PXDNL: variants seen among roughly 807,000 people sequenced by gnomAD.
PXDNL encodes the protein peroxidasin like.
PXDNL carries 145 observed loss-of-function variants against 150.8 expected under a neutral mutation model. That is an observed-to-expected ratio of 0.96 (90% CI 0.84 to 1.10). The LOEUF (loss-of-function observed/expected upper bound fraction) is 1.10, where lower values mean the gene tolerates loss of function less well. Ranked by LOEUF, PXDNL falls within the 50% of genes least tolerant of loss-of-function variation. The probability of loss-of-function intolerance (pLI) is 0.00; values close to 1 mark genes in which losing one functional copy is unlikely to be tolerated. For missense variants in PXDNL, 2,087 were observed against 1,873.9 expected (o/e 1.11, Z -2.10); for synonymous variants, 757 against 725.7 (o/e 1.04, Z -0.69).
chr8:51,496,823 G>T (rs893068314), intron 5 of PXDNL, among the ~76,000 whole-genome samples: 4 of 152,150 alleles, frequency 2.6e-5, no homozygotes, highest in Non-Finnish European at 5.9e-5. Flanking sequence ...ATGCTCATGG[G>T]TAGGAAGAAT....
At chr8:51,486,663 G>A (rs1458114749) in intron 5 of PXDNL, among the ~76,000 whole-genome samples, 2 of 143,998 alleles carry the variant, frequency 1.4e-5, no homozygotes, top group Admixed American at 7.1e-5. Context: ...GTTATGCAAT[G>A]TATTTGTTGA....
At chr8:51,801,996 G>T (rs2037626043) in intron 1 of PXDNL, among the ~76,000 whole-genome samples, 1 of 152,012 alleles carries the variant, frequency 6.6e-6, no homozygotes, top group Non-Finnish European at 1.5e-5. Context: ...GATCTGTGTT[G>T]TTACTCTTGG....
chr8:51,486,605 T>C (rs995405159), intron 5 of PXDNL, among the ~76,000 whole-genome samples: 1 of 151,216 alleles, frequency 6.6e-6, no homozygotes, highest in Non-Finnish European at 1.5e-5. Context: ...TGTAGTTTCC[T>C]TTTTTTCTTT....
intron 14 of PXDNL, among the ~76,000 whole-genome samples, chr8:51,414,693 G>C (rs1808746890): frequency 6.6e-6 from 1 of 152,026 alleles, no homozygotes. Flanking sequence ...TCAAGAACAT[G>C]AACAAAATAA....
intron 19 of PXDNL, among the ~76,000 whole-genome samples, chr8:51,352,966 G>A (rs904321423): frequency 3.9e-5 from 6 of 152,144 alleles, no homozygotes; most frequent in Non-Finnish European, 8.8e-5. Context: ...AGAGTGGGAG[G>A]AGAGTGAGTA....
chr8:51,443,166 T>C (rs1809593678), intron 12 of PXDNL, among the ~76,000 whole-genome samples: 1 of 152,188 alleles, frequency 6.6e-6, no homozygotes, highest in Admixed American at 6.5e-5. Context: ...ATTAGTTACA[T>C]TTTTCTGTAA....
chr8:51,521,432 A>C (rs1811661911), intron 4 of PXDNL, among the ~76,000 whole-genome samples: 1 of 152,152 alleles, frequency 6.6e-6, no homozygotes, highest in Non-Finnish European at 1.5e-5. Context: ...AACTTGAAAA[A>C]AGTCAACAAA....
chr8:51,768,153 C>G (rs1279961326), intron 1 of PXDNL, among the ~76,000 whole-genome samples: 1 of 152,164 alleles, frequency 6.6e-6, no homozygotes, highest in African/African-American at 2.4e-5. Flanking sequence ...ACGATTCTTA[C>G]TGAGATTCAG....
chr8:51,608,705 T>C lies in PXDNL; in HGVS notation c.237-16007A>G, dbSNP rs557289650. On this transcript the variant is annotated intron_variant, in intron 2 of 22. Transcript: ENST00000356297. The stretch of plus-strand genomic sequence containing the variant: ...ACAAAAAATTAGCCGGGCGTGGTGG[T>C]GGGTGCCTGTAGTCCCAGCTGCTCG... 4.0e-3 allele frequency among the ~76,000 whole-genome samples: 598 copies of C among 149,354 alleles called. 1 individual carries two copies. Among genetic ancestry groups the C allele is most frequent in the East Asian group, 7.7e-3 (38 of 4,950 alleles).
At chr8:51,563,111 C>T (rs1283771417) in intron 3 of PXDNL, among the ~76,000 whole-genome samples, 1 of 151,962 alleles carries the variant, frequency 6.6e-6, no homozygotes, top group Non-Finnish European at 1.5e-5. Context: ...CATAATACCT[C>T]CATGAAAACA....
intron 2 of PXDNL, among the ~76,000 whole-genome samples, chr8:51,595,933 C>T (rs1322274205): frequency 6.6e-6 from 1 of 152,082 alleles, no homozygotes; most frequent in Non-Finnish European, 1.5e-5. Context: ...TCAGGGGGCA[C>T]ATGTGCAGAT....
At chr8:51,329,611 T>G (rs1805619817) in intron 21 of PXDNL, among the ~76,000 whole-genome samples, 1 of 152,068 alleles carries the variant, frequency 6.6e-6, no homozygotes, top group South Asian at 2.1e-4. Flanking sequence ...ATAACTATGA[T>G]TAATACATTC....
At chr8:51,700,433 GCA>G (rs1402427149) in intron 1 of PXDNL, among the ~76,000 whole-genome samples, 1 of 149,290 alleles carries the variant, frequency 6.7e-6, no homozygotes, top group African/African-American at 2.5e-5. Flanking sequence ...ACACCCATAT[GCA>G]CACACATACA....
chr8:51,372,362 A>G (rs932111788), intron 18 of PXDNL, among the ~76,000 whole-genome samples: 1 of 152,192 alleles, frequency 6.6e-6, no homozygotes, highest in African/African-American at 2.4e-5. Flanking sequence ...GTCCATTATT[A>G]CATTTTTAAA....
At chr8:51,708,825 G>A (rs1473019318) in intron 1 of PXDNL, among the ~76,000 whole-genome samples, 1 of 139,550 alleles carries the variant, frequency 7.2e-6, no homozygotes, top group East Asian at 2.2e-4. Context: ...TAGTTCAAGT[G>A]TTGAAGTTTC....
rs573311509 is a variant in PXDNL at position 51,387,304 on chromosome 8, C to T, written c.3558-12573G>A. ...GGCCTGCTGCACTGAAATTTAAAAG[C>T]AATGTTAACTATGGTAATAGAGCCA... On this transcript the variant is annotated intron_variant, in intron 17 of 22. Transcript: ENST00000356297. Among the ~76,000 whole-genome samples, 3 of 152,292 alleles carry T rather than the reference C, an allele frequency of 2.0e-5. No individual in the cohort carries two copies. In the East Asian group the frequency reaches 5.8e-4, roughly 29 times the overall value.
chr8:51,376,638 G>A (rs1807317803), intron 17 of PXDNL, among the ~76,000 whole-genome samples: 1 of 151,942 alleles, frequency 6.6e-6, no homozygotes, highest in Admixed American at 6.6e-5. Context: ...TTTCACTACA[G>A]GGAAGTGCAG....
At chr8:51,534,338 G>T (rs1396647309) in intron 4 of PXDNL, among the ~76,000 whole-genome samples, 1 of 145,240 alleles carries the variant, frequency 6.9e-6, no homozygotes, top group African/African-American at 2.7e-5. Flanking sequence ...CAGCCACCCC[G>T]TCCGGGAGGG....
chr8:51,568,017 T>G (rs887066891), intron 3 of PXDNL, among the ~76,000 whole-genome samples: 4 of 151,816 alleles, frequency 2.6e-5, no homozygotes, highest in African/African-American at 9.7e-5. Flanking sequence ...CTCATAAATA[T>G]GAAGGGCTGA....
Sources: gnomAD v4.1 joint callset for allele counts (sites outside exome capture counted in the v4.1 genomes callset) on GRCh38, gnomAD v4.1.1 for gene constraint, MANE v1.5 for transcripts, NCBI Gene and HGNC (gene_info 2026-07-23, HGNC 2026-07-21) for gene names.